DLEU7: variants seen among roughly 807,000 people sequenced by gnomAD.
DLEU7 encodes the protein leukemia-associated protein 7.
A neutral mutation model predicts 16.0 loss-of-function variants in DLEU7; 17 were observed. The observed-to-expected ratio is 1.06, with a 90% CI of 0.73 to 1.59. The LOEUF is 1.59. DLEU7 is among the 40% of genes most tolerant of loss of function. DLEU7 has a pLI of 0.00. For missense variants in DLEU7, 308 were observed against 314.9 expected (o/e 0.98, Z 0.17); for synonymous variants, 113 against 139.8 (o/e 0.81, Z 1.35).
At chr13:50,719,141 G>A (rs553566669) in intron 1 of DLEU7, among the ~76,000 whole-genome samples, 54 of 152,266 alleles carry the variant, frequency 3.5e-4, no homozygotes, top group African/African-American at 1.1e-3. Context: ...ATTTGTAACC[G>A]TCACTTGCAA....
At chr13:50,755,428 T>C (rs580795) in intron 1 of DLEU7, among the ~76,000 whole-genome samples, 72,020 of 151,984 alleles carry the variant, frequency 0.47, 18,113 homozygotes, top group African/African-American at 0.63. Flanking sequence ...TGGGTTAATT[T>C]GAAGACCTTG....
intron 1 of DLEU7, among the ~76,000 whole-genome samples, chr13:50,768,367 T>C (rs1875184687): frequency 6.6e-6 from 1 of 151,618 alleles, no homozygotes; most frequent in African/African-American, 2.4e-5. Flanking sequence ...ACATGTGCCA[T>C]GTTGGTGTGC....
chr13:50,753,729 T>G (rs1215149412), intron 1 of DLEU7, among the ~76,000 whole-genome samples: 1 of 152,202 alleles, frequency 6.6e-6, no homozygotes, highest in East Asian at 1.9e-4. Context: ...AGCTCAGGCC[T>G]TGACCATCCC....
chr13:50,794,115 C>G (rs1402247654), intron 1 of DLEU7, among the ~76,000 whole-genome samples: 1 of 152,072 alleles, frequency 6.6e-6, no homozygotes, highest in Admixed American at 6.6e-5. Flanking sequence ...TATTTGAAAT[C>G]ATCTAGTTGA....
At chr13:50,790,150 A>G (rs1194461772) in intron 1 of DLEU7, among the ~76,000 whole-genome samples, 3 of 151,852 alleles carry the variant, frequency 2.0e-5, no homozygotes. Flanking sequence ...TCAGGCTGGT[A>G]TCGAACTCCT....
At chr13:50,831,330 G>A (rs1877258955) in intron 1 of DLEU7, among the ~76,000 whole-genome samples, 1 of 152,110 alleles carries the variant, frequency 6.6e-6, no homozygotes, top group African/African-American at 2.4e-5. Flanking sequence ...GAGGGGAATG[G>A]AGGCTTGCAT....
At chr13:50,741,669 T>G (rs543275391) in intron 1 of DLEU7, among the ~76,000 whole-genome samples, 2 of 152,032 alleles carry the variant, frequency 1.3e-5, no homozygotes, top group African/African-American at 4.8e-5. Context: ...TGTTCCTACC[T>G]TAGCTTTTTA....
intron 1 of DLEU7, among the ~76,000 whole-genome samples, chr13:50,747,532 A>G (rs1349146883): frequency 6.6e-6 from 1 of 152,118 alleles, no homozygotes; most frequent in African/African-American, 2.4e-5. Context: ...CTCCTTTCAT[A>G]GATGGAGAAG....
chr13:50,748,228 C>CTTTTTTT (rs71085044), intron 1 of DLEU7, among the ~76,000 whole-genome samples: 2,836 of 89,306 alleles, frequency 0.032, 1 homozygote, highest in Non-Finnish European at 0.042. Flanking sequence ...ACTCCTTAAA[C>CTTTTTTT]TTTTTTTTTT....
At chr13:50,734,719 T>A (rs1193879854) in intron 1 of DLEU7, among the ~76,000 whole-genome samples, 1 of 152,248 alleles carries the variant, frequency 6.6e-6, no homozygotes, top group South Asian at 2.1e-4. Flanking sequence ...CAGGGACTGG[T>A]GGTTAATATC....
chr13:50,827,303 T>C (rs1877119147), intron 1 of DLEU7, among the ~76,000 whole-genome samples: 2 of 152,100 alleles, frequency 1.3e-5, no homozygotes, highest in African/African-American at 4.8e-5. Context: ...GTTAGGTACA[T>C]GTGTGAAAAA....
chr13:50,757,645 C>T (rs1050439816), intron 1 of DLEU7, among the ~76,000 whole-genome samples: 7 of 152,328 alleles, frequency 4.6e-5, no homozygotes, highest in Admixed American at 3.3e-4. Context: ...TCCTCTAAAC[C>T]TCCATCTTTC....
chr13:50,824,653 C>A (rs1158346249), intron 1 of DLEU7, among the ~76,000 whole-genome samples: 2 of 152,130 alleles, frequency 1.3e-5, no homozygotes, highest in Non-Finnish European at 2.9e-5. Flanking sequence ...ATCACACAGT[C>A]ATTTGACTTT....
At chr13:50,803,621 C>T (rs1180483604) in intron 1 of DLEU7, among the ~76,000 whole-genome samples, 1 of 151,828 alleles carries the variant, frequency 6.6e-6, no homozygotes, top group Non-Finnish European at 1.5e-5. Context: ...GTATTGATTA[C>T]TTATTGAAAT....
At chr13:50,714,135 T>A (rs79623419) in intron 1 of DLEU7, among the ~76,000 whole-genome samples, 2,375 of 152,314 alleles carry the variant, frequency 0.016, 60 homozygotes, top group African/African-American at 0.054. Flanking sequence ...TGCAGGATCA[T>A]TGTAGGAAGG....
At chr13:50,727,353 T>C (rs944810599) in intron 1 of DLEU7, among the ~76,000 whole-genome samples, 4 of 152,104 alleles carry the variant, frequency 2.6e-5, no homozygotes, top group Admixed American at 1.3e-4. Flanking sequence ...AGTAAGCATG[T>C]GTGCATGCAT....
intron 1 of DLEU7, among the ~76,000 whole-genome samples, chr13:50,722,265 CTCCTGTGTTTCTGTA>C (rs1201489683): frequency 5.9e-5 from 9 of 152,180 alleles, no homozygotes; most frequent in African/African-American, 1.7e-4. Context: ...TAGGCCTGGG[CTCCTGTGTTTCTGTA>C]TCATTATGAG....
intron 1 of DLEU7, among the ~76,000 whole-genome samples, chr13:50,838,406 A>G (rs1239745567): frequency 6.6e-6 from 1 of 152,248 alleles, no homozygotes; most frequent in Non-Finnish European, 1.5e-5. Context: ...TAATTCTCAA[A>G]TGAAGATAGA....
exon 2 of DLEU7, chr13:50,712,760 C>T (rs756404209): frequency 7.6e-5 from 12 of 158,852 alleles, no homozygotes; most frequent in Non-Finnish European, 1.1e-4. Flanking sequence ...AAATTCAGAA[C>T]CTCTATCTCC....
Sources: allele counts gnomAD v4.1 joint callset (sites outside exome capture counted in the v4.1 genomes callset), GRCh38; gene constraint gnomAD v4.1.1; transcripts MANE v1.5; gene names NCBI Gene and HGNC (gene_info 2026-07-23, HGNC 2026-07-21).